The following CAMK2A variants were observed in gnomAD, a reference collection of about 807,000 sequenced individuals.
CAMK2A encodes calcium/calmodulin-dependent protein kinase type II subunit alpha.
Under a neutral mutation model 79.2 loss-of-function variants are expected in CAMK2A, and 7 were observed. The observed-to-expected ratio is 0.09, with a 90% CI of 0.05 to 0.17. The LOEUF is 0.17. Ranked by LOEUF, CAMK2A falls within the 10% of genes least tolerant of loss-of-function variation. The pLI is 1.00. For missense variants in CAMK2A, 214 were observed against 646.4 expected (o/e 0.33, Z 7.25); for synonymous variants, 242 against 251.7 (o/e 0.96, Z 0.36).
chr5:150,273,648 G>A (rs1458761714), intron 1 of CAMK2A, among the ~76,000 whole-genome samples: 2 of 152,128 alleles, frequency 1.3e-5, no homozygotes, highest in Non-Finnish European at 2.9e-5. Context: ...TCCACAGATG[G>A]TGTCCCACAC....
In CAMK2A at chr5:150,221,574, C is replaced by A. The variant is rs896472636; in HGVS notation, c.*1136G>T. On this transcript the variant is annotated 3_prime_UTR_variant, in exon 19 of 19. Coordinates refer to ENST00000671881, the MANE Select transcript of CAMK2A (RefSeq NM_015981.4). ...ATCCTGACAGCCTCCCTCCTCCTCTCTGCCCTGACTTGCTGTTCCTGAGTC... is the reference window on the plus strand; with the variant it reads ...ATCCTGACAGCCTCCCTCCTCCTCTATGCCCTGACTTGCTGTTCCTGAGTC... 2 of 398,626 alleles carry A rather than the reference C, an allele frequency of 5.0e-6. No homozygotes were observed. The highest frequency in any genetic ancestry group is 8.8e-6 in the Non-Finnish European group (2 of 226,076). The allele number at this position is 398,626 out of a possible 1,614,324, so 24.7% of individuals were successfully genotyped here.
chr5:150,290,018 C>T, upstream of CAMK2A: 1 of 187,188 alleles, frequency 5.3e-6, no homozygotes, highest in East Asian at 1.3e-4. Context: ...CCAAGGAGGG[C>T]CTGGAGGAGG....
rs1247572228 is a variant in CAMK2A at position 150,243,725 on chromosome 5, G to A, written c.984+1436C>T. Among the ~76,000 whole-genome samples, 10 of 152,166 alleles carry A rather than the reference G, an allele frequency of 6.6e-5. No homozygotes were observed. The East Asian group carries it at 1.2e-3, about 18-fold the overall frequency. ...CAGCACCTTGCTAAGCTCTCAGGGC[G>A]CATTGTATTAGTTAATCCTCACCAA... On this transcript the variant is annotated intron_variant, in intron 13 of 18. Transcript: ENST00000671881.
intron 9 of CAMK2A, among the ~76,000 whole-genome samples, chr5:150,251,371 A>T (rs1432603934): frequency 1.3e-5 from 2 of 152,186 alleles, no homozygotes; most frequent in East Asian, 3.9e-4. Context: ...GCTTCTCTAT[A>T]TGTAAAATGG....
At chr5:150,231,065 T>C (rs972101801) in intron 16 of CAMK2A, among the ~76,000 whole-genome samples, 1 of 152,028 alleles carries the variant, frequency 6.6e-6, no homozygotes, top group Non-Finnish European at 1.5e-5. Context: ...GGGAACAAGA[T>C]GTGAGGAGGA....
At position 150,285,923 on chromosome 5, in the gene CAMK2A, G is replaced by C. The variant is rs529082354; in HGVS notation, c.62+3641C>G. ...GAATGCCAATGGCTGGAAAAGGCTCGTTTTCCACTTCCTTGAACGTGACCC... is the reference window on the plus strand; with the variant it reads ...GAATGCCAATGGCTGGAAAAGGCTCCTTTTCCACTTCCTTGAACGTGACCC... On this transcript the variant is annotated intron_variant, in intron 1 of 18. Transcript: ENST00000671881. Among the ~76,000 whole-genome samples, 7 of 152,242 alleles carry C rather than the reference G, an allele frequency of 4.6e-5. No individual in the cohort carries two copies. In the South Asian group the frequency reaches 1.5e-3, roughly 32 times the overall value.
chr5:150,234,779 T>C (rs768518216), intron 15 of CAMK2A, among the ~76,000 whole-genome samples: 3 of 152,160 alleles, frequency 2.0e-5, no homozygotes, highest in Non-Finnish European at 4.4e-5. Flanking sequence ...CCAGGGCTTG[T>C]GGCCTGCCCG....
intron 2 of CAMK2A, among the ~76,000 whole-genome samples, chr5:150,272,677 T>C (rs989601974): frequency 6.6e-6 from 1 of 151,628 alleles, no homozygotes; most frequent in African/African-American, 2.4e-5. Context: ...AGCTGAGACC[T>C]GAAGGCTGAG....
At chr5:150,255,021 T>C (rs760402899) in intron 6 of CAMK2A, among the ~76,000 whole-genome samples, 1 of 152,118 alleles carries the variant, frequency 6.6e-6, no homozygotes, top group Non-Finnish European at 1.5e-5. Context: ...CAAACAAATA[T>C]AGCTCCCTCC....
In CAMK2A at chr5:150,247,725, C is replaced by T. The variant is rs201531570; in HGVS notation, c.943+47G>A. On this transcript the variant is annotated intron_variant, in intron 12 of 18. Transcript: ENST00000671881. ...ATATCTGACAGGACGGTGCCCCCAA[C>T]GAACTGGTGCAGGGCTTACTGGGGA... 2.3e-4 allele frequency: 352 copies of T among 1,535,204 alleles called. 3 individuals carry two copies. In the East Asian group the frequency reaches 6.2e-3, roughly 27 times the overall value.
At chr5:150,238,467 A>G (rs578051648) in intron 15 of CAMK2A, 51 of 494,852 alleles carry the variant, frequency 1.0e-4, no homozygotes, top group Middle Eastern at 9.6e-4. Flanking sequence ...AATAAAATAA[A>G]AATAAATAAA....
At position 150,236,903 on chromosome 5, in the gene CAMK2A, G is replaced by C. The variant is rs141729596; in HGVS notation, c.1066+1797C>G. The stretch of plus-strand genomic sequence containing the variant: ...ATTCATTCATTTTTTTTAAGAGACA[G>C]GGTCTTGCTATGTTGCCCAGGCTGG... On this transcript the variant is annotated intron_variant, in intron 15 of 18. Coordinates refer to ENST00000671881, the MANE Select transcript of CAMK2A (RefSeq NM_015981.4). Among the ~76,000 whole-genome samples, 611 of 152,250 alleles carry C rather than the reference G, an allele frequency of 4.0e-3. 2 individuals carry two copies. Among genetic ancestry groups the C allele is most frequent in the Non-Finnish European group, 6.2e-3 (425 of 68,022 alleles).
chr5:150,262,207 C>T (rs1756331085), intron 3 of CAMK2A, among the ~76,000 whole-genome samples: 1 of 152,280 alleles, frequency 6.6e-6, no homozygotes, highest in East Asian at 1.9e-4. Flanking sequence ...CTGACCTGGA[C>T]CCCTGGGGAG....
At position 150,219,551 on chromosome 5, in the gene CAMK2A, T is replaced by G. The variant is rs1754185531; in HGVS notation, c.*3159A>C. ...ACACCAAGAATAAAACAAACGCCCC[T>G]TCTTCCCATCCCACCCGCCCCCCCC... On this transcript the variant is annotated 3_prime_UTR_variant, in exon 19 of 19. Coordinates refer to ENST00000671881, the MANE Select transcript of CAMK2A (RefSeq NM_015981.4). 1 of 110,282 alleles carries G rather than the reference T, an allele frequency of 9.1e-6. No individual in the cohort carries two copies. Among genetic ancestry groups the G allele is most frequent in the Non-Finnish European group, 2.0e-5 (1 of 50,664 alleles). 6.8% of individuals were successfully genotyped at this position (110,282 alleles called of 1,614,324 possible).
chr5:150,225,228 C>T (rs1191618608), intron 17 of CAMK2A, among the ~76,000 whole-genome samples: 1 of 152,038 alleles, frequency 6.6e-6, no homozygotes, highest in Non-Finnish European at 1.5e-5. Context: ...CTGCAGTCAG[C>T]AAGGGCTGGA....
intron 2 of CAMK2A, among the ~76,000 whole-genome samples, chr5:150,266,867 TG>T (rs561626076): frequency 2.0e-5 from 3 of 151,706 alleles, no homozygotes; most frequent in African/African-American, 2.4e-5. Context: ...GGTATGCGGG[TG>T]GGGGGGTGGT....
chr5:150,260,638 A>G (rs1580933182), intron 3 of CAMK2A, among the ~76,000 whole-genome samples: 1 of 152,324 alleles, frequency 6.6e-6, no homozygotes, highest in East Asian at 1.9e-4. Context: ...CTCTGCTTCC[A>G]GGTAACCTGA....
At chr5:150,228,336 G>A (rs1175334627) in intron 16 of CAMK2A, 50 bp from the exon 17 acceptor site, 2 of 1,314,958 alleles carry the variant, frequency 1.5e-6, no homozygotes, top group Non-Finnish European at 2.2e-6. Flanking sequence ...CTTCTCATTG[G>A]ACCCTTGGAG....
intron 13 of CAMK2A, among the ~76,000 whole-genome samples, chr5:150,242,672 G>A (rs537090424): frequency 5.3e-5 from 8 of 152,118 alleles, no homozygotes; most frequent in Non-Finnish European, 1.0e-4. Flanking sequence ...CGCTGGCCTG[G>A]GTCACCCAGG....
Sources: allele counts gnomAD v4.1 joint callset (sites outside exome capture counted in the v4.1 genomes callset), GRCh38; gene constraint gnomAD v4.1.1; transcripts MANE v1.5; gene names NCBI Gene and HGNC (gene_info 2026-07-23, HGNC 2026-07-21).